The following MTARC2 variants were observed in gnomAD, a reference collection of about 807,000 sequenced individuals.
MTARC2 encodes the protein MOCO sulphurase C-terminal domain containing 2.
MTARC2 carries 27 observed loss-of-function variants against 35.6 expected under a neutral mutation model. The observed-to-expected ratio is 0.76, with a 90% CI of 0.56 to 1.04. The LOEUF is 1.04. Among genes scored for constraint, MTARC2 ranks in the 50% least tolerant of loss-of-function variants. MTARC2 has a pLI of 0.00. For missense variants in MTARC2, 412 were observed against 432.5 expected (o/e 0.95, Z 0.42); for synonymous variants, 158 against 167.1 (o/e 0.95, Z 0.42).
At chr1:220,756,802 AG>A (rs1457452367) in intron 2 of MTARC2, among the ~76,000 whole-genome samples, 3 of 152,244 alleles carry the variant, frequency 2.0e-5, no homozygotes, top group Non-Finnish European at 4.4e-5. Context: ...GCAGAAATCT[AG>A]GGGGACACTC....
At chr1:220,775,030 C>T (rs1310817433) in intron 4 of MTARC2, among the ~76,000 whole-genome samples, 1 of 152,086 alleles carries the variant, frequency 6.6e-6, no homozygotes, top group Non-Finnish European at 1.5e-5. Flanking sequence ...GGGAGACTCT[C>T]CATTAGTAGT....
At chr1:220,754,301 T>A (rs1671217188) in intron 1 of MTARC2, 3 of 456,064 alleles carry the variant, frequency 6.6e-6, no homozygotes, top group South Asian at 1.5e-5. Context: ...TACAGTGGGC[T>A]CTCTAGGAAA....
At chr1:220,779,819 G>C (rs1162740261) in intron 4 of MTARC2, 199 bp from the exon 5 acceptor site, 1 of 437,224 alleles carries the variant, frequency 2.3e-6, no homozygotes, top group Admixed American at 4.5e-5. Context: ...TCAGGGTTTT[G>C]AGACTGGGAG....
chr1:220,781,630 A>T, intron 6 of MTARC2, 148 bp from the exon 7 acceptor site: 1 of 722,220 alleles, frequency 1.4e-6, no homozygotes, highest in Non-Finnish European at 2.2e-6. Flanking sequence ...CAGTTTGACT[A>T]ATTGTCCACA....
intron 6 of MTARC2, 121 bp from the exon 7 acceptor site, chr1:220,781,657 T>G (rs977935065): frequency 2.0e-6 from 2 of 1,020,308 alleles, no homozygotes; most frequent in Non-Finnish European, 2.9e-6. Context: ...TCTCGCAACA[T>G]TTTAGAAAAT....
At chr1:220,778,265 A>AAAAAAAAG (rs1553254993) in intron 4 of MTARC2, among the ~76,000 whole-genome samples, 1 of 138,550 alleles carries the variant, frequency 7.2e-6, no homozygotes, top group Non-Finnish European at 1.5e-5. Context: ...AAAAAAAAAA[A>AAAAAAAAG]AAAGAAAGAA....
intron 4 of MTARC2, among the ~76,000 whole-genome samples, chr1:220,771,928 A>C (rs1473529063): frequency 6.6e-6 from 1 of 152,352 alleles, no homozygotes; most frequent in Non-Finnish European, 1.5e-5. Context: ...AATTAAAAAA[A>C]ATTCTTCATC....
intron 4 of MTARC2, among the ~76,000 whole-genome samples, chr1:220,774,081 T>TC (rs1374094899): frequency 6.6e-6 from 1 of 151,886 alleles, no homozygotes; most frequent in Non-Finnish European, 1.5e-5. Flanking sequence ...GTTTTTTTTT[T>TC]TTCAGACAGG....
chr1:220,767,492 A>G (rs17008595), intron 4 of MTARC2, among the ~76,000 whole-genome samples: 7,160 of 152,264 alleles, frequency 0.047, 262 homozygotes, highest in East Asian at 0.19. Flanking sequence ...CGATTTTTAA[A>G]AGGCTGCTTC....
intron 1 of MTARC2, among the ~76,000 whole-genome samples, chr1:220,750,463 A>T (rs1671098833): frequency 6.6e-6 from 1 of 152,196 alleles, no homozygotes; most frequent in Non-Finnish European, 1.5e-5. Context: ...CTGCTTTGCC[A>T]TGACTACTGC....
intron 3 of MTARC2, among the ~76,000 whole-genome samples, 175 bp downstream of exon 3, chr1:220,761,995 G>T (rs1158407938): frequency 6.6e-6 from 1 of 152,144 alleles, no homozygotes; most frequent in African/African-American, 2.4e-5. Context: ...TGGAAAAGAA[G>T]GTGGATATGA....
intron 4 of MTARC2, among the ~76,000 whole-genome samples, chr1:220,769,762 CTG>C (rs1032804407): frequency 6.6e-6 from 1 of 151,456 alleles, no homozygotes; most frequent in African/African-American, 2.4e-5. Flanking sequence ...CTCTTTCTCT[CTG>C]TGTATGTGTG....
chr1:220,782,168 G>A (rs1444318639), intron 7 of MTARC2, among the ~76,000 whole-genome samples: 1 of 152,172 alleles, frequency 6.6e-6, no homozygotes, highest in Non-Finnish European at 1.5e-5. Context: ...TGATGGAAGA[G>A]GCTCAGCAGA....
intron 1 of MTARC2, among the ~76,000 whole-genome samples, chr1:220,751,535 C>T (rs1671125949): frequency 6.6e-6 from 1 of 152,156 alleles, no homozygotes; most frequent in South Asian, 2.1e-4. Flanking sequence ...GGTGTTATTC[C>T]CTGCCCAATT....
rs1340273605 is a variant in MTARC2, at chr1:220,781,784, C to T, written c.891C>T (p.Arg297=). The stretch of plus-strand genomic sequence containing the variant: ...GAATTTTTGCTTGTTTCAGCTACCG[C>T]CTGTGTGATCCTTCTGAGAGGGAAT... ...KQPLDTLKSY[R]LCDPSERELY... The change falls in exon 7 of 8, where the codon CGC becomes CGT. Residue 297 remains arginine (R), a synonymous_variant. Transcript: ENST00000366913. 5.6e-6 allele frequency: 9 copies of T among 1,614,078 alleles called. No homozygotes were observed. In the South Asian group the frequency reaches 8.8e-5, roughly 16 times the overall value.
intron 6 of MTARC2, among the ~76,000 whole-genome samples, chr1:220,780,903 AAG>A (rs1393177085): frequency 2.0e-5 from 3 of 152,034 alleles, no homozygotes; most frequent in African/African-American, 7.3e-5. Flanking sequence ...AATCAATATC[AAG>A]GAATATGAGA....
rs764961352 is a variant in MTARC2, at chr1:220,763,032, C to A, written c.732C>A (p.Gly244=). Residue 244 remains glycine (G), a synonymous_variant, in exon 4 of 8, where the codon GGC becomes GGA. Coordinates refer to ENST00000366913, the MANE Select transcript of MTARC2 (RefSeq NM_017898.5). ...TCAGGCCAAATATTGTGGTGACCGG[C>A]TGTGATGCTTTTGAGGAGGTAAGCG... ...ENFRPNIVVT[G]CDAFEEDTWD... is the part of the protein sequence containing the mutation. 1.2e-5 allele frequency: 19 copies of A among 1,614,120 alleles called. No individual in the cohort carries two copies. Among genetic ancestry groups the A allele is most frequent in the Non-Finnish European group, 1.6e-5 (19 of 1,180,018 alleles).
intron 3 of MTARC2, among the ~76,000 whole-genome samples, chr1:220,762,654 G>A (rs1671470656): frequency 6.6e-6 from 1 of 152,148 alleles, no homozygotes; most frequent in African/African-American, 2.4e-5. Flanking sequence ...GTGGGAGTGG[G>A]AACCCAGGAA....
chr1:220,783,867 T>C (rs754248714), intron 7 of MTARC2, 52 bp from the exon 8 acceptor site: 3 of 717,052 alleles, frequency 4.2e-6, no homozygotes, highest in Non-Finnish European at 7.8e-6. Context: ...GAATTATTTA[T>C]GAACAGTAGG....
Sources: gnomAD v4.1 joint callset for allele counts (sites outside exome capture counted in the v4.1 genomes callset) on GRCh38, gnomAD v4.1.1 for gene constraint, MANE v1.5 for transcripts, NCBI Gene and HGNC (gene_info 2026-07-23, HGNC 2026-07-21) for gene names.